Variants in MVK observed in about 807,000 individuals in gnomAD.
MVK encodes the protein LH receptor mRNA-binding protein.
In MVK, 34 loss-of-function variants were observed where a neutral mutation model predicts 43.2. The ratio of observed to expected loss-of-function variants is 0.79; its 90% CI spans 0.60 to 1.05. The LOEUF (loss-of-function observed/expected upper bound fraction) is 1.05. MVK is among the 50% of genes least tolerant of loss of function. MVK has a pLI of 0.00. For synonymous variants in MVK, 190 were observed against 219.8 expected (o/e 0.86, Z 1.20); for missense variants, 395 against 504.0 (o/e 0.78, Z 2.07).
intron 9 of MVK, among the ~76,000 whole-genome samples, chr12:109,592,431 G>A (rs1456526855): frequency 2.0e-5 from 3 of 152,322 alleles, no homozygotes; most frequent in South Asian, 2.1e-4. Flanking sequence ...TCAGTGAAGG[G>A]ACAGGAGAGG....
chr12:109,587,249 A>T (rs1439253208), intron 7 of MVK: 1 of 228,768 alleles, frequency 4.4e-6, no homozygotes, highest in African/African-American at 2.2e-5. Flanking sequence ...TGTGAGAGTC[A>T]CCATGATGGA....
upstream of MVK, chr12:109,573,630 G>T: frequency 2.1e-6 from 2 of 936,112 alleles, no homozygotes; most frequent in Non-Finnish European, 3.3e-6. Context: ...CCAGGGACTT[G>T]TTTCCCATTG....
chr12:109,576,870 C>CA (rs59269664), intron 3 of MVK, among the ~76,000 whole-genome samples: 1,927 of 102,712 alleles, frequency 0.019, 36 homozygotes, highest in African/African-American at 0.053. Flanking sequence ...GACTCCATCT[C>CA]AAAAAAAAAA....
At chr12:109,589,257 T>G (rs1334487139) in intron 7 of MVK, 1 of 152,192 alleles carries the variant, frequency 6.6e-6, no homozygotes, top group East Asian at 1.9e-4. Flanking sequence ...AGAGGACTTG[T>G]CTAAGAAAGA....
chr12:109,593,978 A>C (rs1885803152), intron 9 of MVK, among the ~76,000 whole-genome samples: 1 of 151,858 alleles, frequency 6.6e-6, no homozygotes, highest in Non-Finnish European at 1.5e-5. Context: ...TCGACCTCCC[A>C]AAGTGCTGGG....
At chr12:109,581,839 G>T in intron 5 of MVK, among the ~76,000 whole-genome samples, 1 of 152,196 alleles carries the variant, frequency 6.6e-6, no homozygotes, top group Non-Finnish European at 1.5e-5. Flanking sequence ...TGGTATGGTA[G>T]AAAGAGCTGG....
chr12:109,581,474 G>C lies in MVK; in HGVS notation c.451G>C (p.Val151Leu). 1 of 1,614,196 alleles carries C rather than the reference G, an allele frequency of 6.2e-7. No homozygotes were observed. The highest frequency in any genetic ancestry group is 8.5e-7 in the Non-Finnish European group (1 of 1,180,028). Residue 151 changes from valine (V) to leucine (L), a missense_variant, in exon 5 of 11, where the codon GTG becomes CTG. Val to Leu is a conservative substitution (Grantham distance 32, BLOSUM62 1). Coordinates refer to ENST00000228510, the MANE Select transcript of MVK (RefSeq NM_000431.4). ...CTTGGGCTCCAGCGCCGCCTACTCG[G>C]TGTGTCTGGCAGCAGCCCTCCTGAC... ...AGLGSSAAYS[V>L]CLAAALLTVC... is the part of the protein sequence containing the mutation.
chr12:109,596,647 C>T lies in MVK; in HGVS notation c.*70C>T, dbSNP rs573165113. 1 of 1,579,680 alleles carries T rather than the reference C, an allele frequency of 6.3e-7. No homozygotes were observed. The highest frequency in any genetic ancestry group is 2.3e-5 in the East Asian group (1 of 44,116). The stretch of plus-strand genomic sequence containing the variant: ...GATTATTCTGGGGGCTGCAGTTCGA[C>T]TCTGTGCTGGCCAGCGAGCGCCCAG... On this transcript the variant is annotated 3_prime_UTR_variant, in exon 11 of 11. Transcript: ENST00000228510.
intron 7 of MVK, 83 bp from the exon 8 acceptor site, chr12:109,590,688 G>A (rs1885627073): frequency 3.1e-6 from 4 of 1,279,686 alleles, no homozygotes; most frequent in Middle Eastern, 4.9e-4. Flanking sequence ...ATCAGGGTGG[G>A]CGGCTTCCCG....
intron 7 of MVK, among the ~76,000 whole-genome samples, chr12:109,587,335 ACT>A (rs1469790161): frequency 2.6e-5 from 4 of 151,352 alleles, no homozygotes; most frequent in Non-Finnish European, 5.9e-5. Flanking sequence ...ACATTTGGAG[ACT>A]CTCAGCCTGT....
At chr12:109,581,370 C>T (rs781055423) in intron 4 of MVK, 25 bp from the exon 5 acceptor site, 5 of 1,612,864 alleles carry the variant, frequency 3.1e-6, no homozygotes, top group African/African-American at 2.7e-5. Context: ...GGGAGAGTCA[C>T]GTTTCACACC....
rs180708269 is a variant in MVK, at chr12:109,575,475, G to T, written c.79-523G>T. ...TGCTCTGTCACCGGAGTGCAATCTT[G>T]CGATCATGGCTCACTGCAGCCTCCA... On this transcript the variant is annotated intron_variant, in intron 2 of 10. Coordinates refer to ENST00000228510, the MANE Select transcript of MVK (RefSeq NM_000431.4). Among the ~76,000 whole-genome samples, 591 of 148,938 alleles carry T rather than the reference G, an allele frequency of 4.0e-3. 5 individuals carry two copies. Among genetic ancestry groups the T allele is most frequent in the Middle Eastern group, 0.014 (4 of 288 alleles).
At chr12:109,579,662 T>G in intron 3 of MVK, 140 bp from the exon 4 acceptor site, 2 of 1,178,898 alleles carry the variant, frequency 1.7e-6, no homozygotes, top group Non-Finnish European at 1.2e-6. Context: ...TGAACAGACT[T>G]GGGTGTGGGG....
At chr12:109,579,049 T>C in intron 3 of MVK, 1 of 305,776 alleles carries the variant, frequency 3.3e-6, no homozygotes, top group Non-Finnish European at 6.5e-6. Context: ...TTTTATACAA[T>C]GGAAGGTGAA....
intron 10 of MVK, 92 bp from the exon 11 acceptor site, chr12:109,596,334 A>G: frequency 6.5e-7 from 1 of 1,531,704 alleles, no homozygotes; most frequent in African/African-American, 1.4e-5. Context: ...AGGAAGGCAC[A>G]GCAGGAAGGC....
At chr12:109,586,496 T>C (rs976961135) in intron 6 of MVK, among the ~76,000 whole-genome samples, 7 of 152,172 alleles carry the variant, frequency 4.6e-5, no homozygotes, top group African/African-American at 7.2e-5. Context: ...ACCTTCACCA[T>C]GTGGCTTGTC....
intron 5 of MVK, 112 bp downstream of exon 5, chr12:109,581,662 C>G: frequency 6.8e-7 from 1 of 1,481,102 alleles, no homozygotes; most frequent in Non-Finnish European, 9.3e-7. Context: ...GTCATAGTGG[C>G]CATTTTAACA....
At chr12:109,594,929 A>C in intron 9 of MVK, 99 bp from the exon 10 acceptor site, 1 of 1,510,256 alleles carries the variant, frequency 6.6e-7, no homozygotes, top group Non-Finnish European at 9.1e-7. Context: ...GGCTGTCTCC[A>C]GCCAACAACT....
intron 5 of MVK, among the ~76,000 whole-genome samples, chr12:109,583,533 A>G (rs1448284217): frequency 2.6e-5 from 4 of 152,106 alleles, no homozygotes; most frequent in African/African-American, 4.8e-5. Flanking sequence ...AGTCTTTGCT[A>G]TTGTGAATAG....
Sources: gnomAD v4.1 joint callset for allele counts (sites outside exome capture counted in the v4.1 genomes callset) on GRCh38, gnomAD v4.1.1 for gene constraint, MANE v1.5 for transcripts, NCBI Gene and HGNC (gene_info 2026-07-23, HGNC 2026-07-21) for gene names.